The following ST6GAL1 variants were observed in gnomAD, a reference collection of about 807,000 sequenced individuals.
ST6GAL1 encodes ST6 beta-galactoside alpha-2,6-sialyltransferase 1.
In ST6GAL1, 20 loss-of-function variants were observed where a neutral mutation model predicts 38.0. That is an observed-to-expected ratio of 0.53 (90% confidence interval 0.37 to 0.77). The LOEUF (loss-of-function observed/expected upper bound fraction) is 0.77, where lower values mean the gene tolerates loss of function less well. Ranked by LOEUF, ST6GAL1 falls within the 30% of genes least tolerant of loss-of-function variation. ST6GAL1 has a pLI of 0.00. For missense variants in ST6GAL1, 432 were observed against 496.4 expected (o/e 0.87, Z 1.23); for synonymous variants, 196 against 188.2 (o/e 1.04, Z -0.34).
At chr3:186,957,048 G>T (rs956694323) in intron 1 of ST6GAL1, among the ~76,000 whole-genome samples, 15 of 152,292 alleles carry the variant, frequency 9.8e-5, no homozygotes, top group Non-Finnish European at 1.8e-4. Flanking sequence ...GACTAAGAAA[G>T]AACTTTTGGA....
At chr3:187,070,914 C>T (rs551135675) in intron 5 of ST6GAL1, among the ~76,000 whole-genome samples, 1 of 152,268 alleles carries the variant, frequency 6.6e-6, no homozygotes, top group East Asian at 1.9e-4. Context: ...AGACCGACCA[C>T]CAATATTTCT....
At chr3:187,062,104 A>G (rs1219788733) in intron 5 of ST6GAL1, among the ~76,000 whole-genome samples, 1 of 152,216 alleles carries the variant, frequency 6.6e-6, no homozygotes, top group African/African-American at 2.4e-5. Context: ...AATGGTTAGT[A>G]AGCACATGAA....
chr3:186,995,518 A>AG, intron 2 of ST6GAL1, among the ~76,000 whole-genome samples: 1 of 128,146 alleles, frequency 7.8e-6, no homozygotes, highest in East Asian at 2.3e-4. Context: ...AAAAAAAATA[A>AG]TAATAAAATA....
chr3:186,951,217 C>T (rs9874262), intron 1 of ST6GAL1, among the ~76,000 whole-genome samples: 50,600 of 152,000 alleles, frequency 0.33, 10,552 homozygotes, highest in Non-Finnish European at 0.48. Context: ...CAACGTGACC[C>T]GCTCATTTTT....
intron 2 of ST6GAL1, among the ~76,000 whole-genome samples, chr3:187,015,725 G>C (rs1717092806): frequency 6.6e-6 from 1 of 152,086 alleles, no homozygotes; most frequent in African/African-American, 2.4e-5. Flanking sequence ...TGGAGTCCCA[G>C]CTACTTGGGA....
chr3:187,021,487 C>T (rs1457332508), intron 2 of ST6GAL1, among the ~76,000 whole-genome samples: 2 of 151,770 alleles, frequency 1.3e-5, no homozygotes, highest in Non-Finnish European at 2.9e-5. Flanking sequence ...TGCCTGTAAT[C>T]CCAGCACTTT....
At chr3:187,057,384 A>G (rs1718742987) in intron 5 of ST6GAL1, among the ~76,000 whole-genome samples, 1 of 152,062 alleles carries the variant, frequency 6.6e-6, no homozygotes, top group African/African-American at 2.4e-5. Flanking sequence ...GCAAAGAGGC[A>G]CTCTGGTTTT....
At chr3:186,968,002 A>G (rs1715208652) in intron 2 of ST6GAL1, among the ~76,000 whole-genome samples, 1 of 152,174 alleles carries the variant, frequency 6.6e-6, no homozygotes, top group African/African-American at 2.4e-5. Context: ...GTGTCATTTT[A>G]GTGATGCCAG....
intron 6 of ST6GAL1, among the ~76,000 whole-genome samples, chr3:187,073,218 G>T (rs193105537): frequency 1.2e-3 from 184 of 152,260 alleles, no homozygotes; most frequent in Non-Finnish European, 1.8e-3. Flanking sequence ...CAGCATCTGG[G>T]GTAGATTGTT....
intron 5 of ST6GAL1, among the ~76,000 whole-genome samples, chr3:187,062,124 A>C (rs907449608): frequency 6.6e-6 from 1 of 152,190 alleles, no homozygotes; most frequent in Non-Finnish European, 1.5e-5. Flanking sequence ...AAAGAGACTC[A>C]ACTCTTTTTT....
At chr3:187,046,156 C>T (rs988173663) in intron 4 of ST6GAL1, among the ~76,000 whole-genome samples, 1 of 152,152 alleles carries the variant, frequency 6.6e-6, no homozygotes, top group Non-Finnish European at 1.5e-5. Context: ...CCAGGCCTGC[C>T]CAGGCTGTGG....
chr3:186,957,656 G>A (rs1222193590), intron 1 of ST6GAL1, among the ~76,000 whole-genome samples: 1 of 151,976 alleles, frequency 6.6e-6, no homozygotes, highest in African/African-American at 2.4e-5. Context: ...ACATACACCA[G>A]AAGAAAAGCT....
At chr3:186,967,459 C>T (rs929720994) in intron 2 of ST6GAL1, among the ~76,000 whole-genome samples, 4 of 152,288 alleles carry the variant, frequency 2.6e-5, no homozygotes, top group Admixed American at 6.5e-5. Context: ...CCCAAAGTGC[C>T]GGGATTACAA....
intron 4 of ST6GAL1, among the ~76,000 whole-genome samples, chr3:187,048,628 G>A (rs1718389711): frequency 6.6e-6 from 1 of 152,178 alleles, no homozygotes; most frequent in African/African-American, 2.4e-5. Flanking sequence ...CCGTGCAGTA[G>A]AATGTAATAT....
intron 5 of ST6GAL1, chr3:187,051,555 G>T (rs1236507076): frequency 7.9e-6 from 4 of 508,216 alleles, no homozygotes; most frequent in Non-Finnish European, 1.4e-5. Context: ...TAGTATTAGT[G>T]TCTGCTAATG....
At chr3:186,976,990 G>A (rs1352683709) in intron 2 of ST6GAL1, among the ~76,000 whole-genome samples, 3 of 152,194 alleles carry the variant, frequency 2.0e-5, no homozygotes, top group African/African-American at 7.2e-5. Context: ...TCCATTTGTG[G>A]CTTGCTTGCC....
chr3:186,939,835 C>G (rs185332974), intron 1 of ST6GAL1, among the ~76,000 whole-genome samples: 41 of 152,276 alleles, frequency 2.7e-4, no homozygotes, highest in African/African-American at 9.6e-4. Context: ...GTTAGTTAGC[C>G]CCTTCCCTCT....
At chr3:187,028,611 A>G (rs1244539771) in intron 2 of ST6GAL1, among the ~76,000 whole-genome samples, 1 of 152,180 alleles carries the variant, frequency 6.6e-6, no homozygotes, top group Non-Finnish European at 1.5e-5. Context: ...ATTAACAATA[A>G]TTTCTTAATA....
At chr3:186,937,755 A>G (rs1356580563) in intron 1 of ST6GAL1, among the ~76,000 whole-genome samples, 2 of 152,146 alleles carry the variant, frequency 1.3e-5, no homozygotes, top group African/African-American at 2.4e-5. Flanking sequence ...ACTTTCTCTT[A>G]TTGTAATTGA....
Sources: allele counts gnomAD v4.1 joint callset (sites outside exome capture counted in the v4.1 genomes callset), GRCh38; gene constraint gnomAD v4.1.1; transcripts MANE v1.5; gene names NCBI Gene and HGNC (gene_info 2026-07-23, HGNC 2026-07-21).